Variants in VPS35L observed in about 807,000 individuals in gnomAD.
The protein encoded by VPS35L is VPS35 endosomal protein sorting factor like.
VPS35L carries 83 observed loss-of-function variants against 133.0 expected under a neutral mutation model. The observed-to-expected ratio is 0.62, with a 90% CI of 0.52 to 0.75. VPS35L has a LOEUF of 0.75. VPS35L is among the 30% of genes least tolerant of loss of function. The probability of loss-of-function intolerance (pLI) is 0.00; values close to 1 mark genes in which losing one functional copy is unlikely to be tolerated. For missense variants in VPS35L, 1,083 were observed against 1,206.8 expected (o/e 0.90, Z 1.52); for synonymous variants, 423 against 449.9 (o/e 0.94, Z 0.76).
chr16:19,634,432 A>C (rs1973561164), intron 19 of VPS35L, among the ~76,000 whole-genome samples: 1 of 151,992 alleles, frequency 6.6e-6, no homozygotes, highest in Non-Finnish European at 1.5e-5. Flanking sequence ...AAAAAAAAAA[A>C]AAACCCACTA....
intron 1 of VPS35L, among the ~76,000 whole-genome samples, chr16:19,562,724 T>C (rs1367040253): frequency 6.6e-6 from 1 of 152,118 alleles, no homozygotes; most frequent in Non-Finnish European, 1.5e-5. Context: ...ATTTTCTGCC[T>C]TCCCCCCACT....
intron 1 of VPS35L, among the ~76,000 whole-genome samples, chr16:19,562,650 T>G (rs1258020722): frequency 6.6e-6 from 1 of 152,206 alleles, no homozygotes; most frequent in Non-Finnish European, 1.5e-5. Flanking sequence ...CCATAACCTA[T>G]GAAATTAAAT....
In VPS35L at chr16:19,633,436, C is replaced by T. The variant is rs920468680; in HGVS notation, c.1635+264C>T. On this transcript the variant is annotated intron_variant, in intron 19 of 30. Transcript: ENST00000417362. This position sits in a 1 kb window ranked among gnomAD's most constrained non-coding sequence, Gnocchi z 4.1. The stretch of plus-strand genomic sequence containing the variant: ...GAAGCCCTCACACAGTGGCCTGGCA[C>T]GTGGTAAATGCTCAATAAGCGTTGT... Among the ~76,000 whole-genome samples the T allele has an allele frequency of 3.9e-5, 6 of 152,250 alleles. No individual in the cohort carries two copies. The South Asian group carries it at 6.2e-4, about 16-fold the overall frequency.
intron 9 of VPS35L, among the ~76,000 whole-genome samples, chr16:19,603,184 A>G (rs2151540063): frequency 1.3e-5 from 2 of 152,256 alleles, no homozygotes; most frequent in Admixed American, 1.3e-4. Context: ...TTTAGGACCC[A>G]TCTTGTTTCA....
chr16:19,608,865 G>A (rs1567419028), intron 10 of VPS35L, 109 bp from the exon 11 acceptor site: 4 of 858,186 alleles, frequency 4.7e-6, no homozygotes, highest in East Asian at 2.6e-5. Flanking sequence ...GGCCACTGTG[G>A]TCCCCATCTC....
rs1567444591 is a variant in VPS35L, at chr16:19,637,590, AC to A, written c.1636-3del. The A allele has an allele frequency of 6.5e-7, 1 of 1,535,126 alleles. No individual in the cohort carries two copies. On this transcript the variant is annotated splice_polypyrimidine_tract_variant and splice_region_variant and intron_variant, in intron 19 of 30. Transcript: ENST00000417362. Reference sequence around the variant, plus strand: ...AATAATATTTTTGTTTGTTTGTTTTACAGCTTCAGTTAATAATTAAGAAAGT... The same window carrying A: ...AATAATATTTTTGTTTGTTTGTTTTAAGCTTCAGTTAATAATTAAGAAAGT...
rs539078925 is a variant in VPS35L at position 19,659,319 on chromosome 16, G to A, written c.2221+7229G>A. Among the ~76,000 whole-genome samples, 4 of 152,304 alleles carry A rather than the reference G, an allele frequency of 2.6e-5. No individual in the cohort carries two copies. In the East Asian group the frequency reaches 7.7e-4, roughly 29 times the overall value. ...GGGCTGAGCATGCTTGGCTCAGTGA[G>A]AGAGCCCTTGACAGTTCAGAGAGTA... On this transcript the variant is annotated intron_variant, in intron 26 of 30. Coordinates refer to ENST00000417362, the MANE Select transcript of VPS35L (RefSeq NM_020314.7).
At chr16:19,565,898 G>T (rs1235627152) in intron 2 of VPS35L, among the ~76,000 whole-genome samples, 1 of 152,154 alleles carries the variant, frequency 6.6e-6, no homozygotes, top group Non-Finnish European at 1.5e-5. Flanking sequence ...CTATCTGTGG[G>T]TTTATTTAAA....
intron 11 of VPS35L, 98 bp downstream of exon 11, chr16:19,609,119 T>C (rs2151545672): frequency 9.7e-7 from 1 of 1,034,284 alleles, no homozygotes; most frequent in East Asian, 2.4e-5. Context: ...CATTATTCAC[T>C]GAGTACTTAA....
intron 18 of VPS35L, 39 bp downstream of exon 18, chr16:19,629,859 T>G: frequency 6.3e-7 from 1 of 1,583,300 alleles, no homozygotes; most frequent in Non-Finnish European, 8.7e-7. Context: ...AAGAATTAGA[T>G]TTTTTCATGT....
intron 12 of VPS35L, among the ~76,000 whole-genome samples, chr16:19,612,193 T>G (rs926602085): frequency 2.6e-5 from 4 of 152,136 alleles, no homozygotes; most frequent in Non-Finnish European, 5.9e-5. Flanking sequence ...TGCCCCGGCC[T>G]CTCAAAGTGC....
rs148267307 is a variant in VPS35L at position 19,649,646 on chromosome 16, C to A, written c.2029-736C>A. On this transcript the variant is annotated intron_variant, in intron 24 of 30. Transcript: ENST00000417362. ...GCGCCCCTGTGAGTTTGCTGCAGCACCCCAGGGTGCCATGGTGCACCGTTT... is the reference window on the plus strand; with the variant it reads ...GCGCCCCTGTGAGTTTGCTGCAGCAACCCAGGGTGCCATGGTGCACCGTTT... 3.3e-3 allele frequency among the ~76,000 whole-genome samples: 502 copies of A among 152,326 alleles called. 1 individual carries two copies. The highest frequency in any genetic ancestry group is 6.8e-3 in the Middle Eastern group (2 of 294).
At chr16:19,615,968 A>AAATAATAATAAT (rs10683142) in intron 12 of VPS35L, 146 bp from the exon 13 acceptor site, 7,312 of 255,194 alleles carry the variant, frequency 0.029, 574 homozygotes, top group African/African-American at 0.16. Context: ...CTCCATCTCA[A>AAATAATAATAAT]AATAATAATA....
chr16:19,598,029 TG>T (rs1972271415), intron 8 of VPS35L, among the ~76,000 whole-genome samples: 1 of 152,120 alleles, frequency 6.6e-6, no homozygotes, highest in South Asian at 2.1e-4. Flanking sequence ...GGAAGACGTG[TG>T]CCTGGTTTCT....
At position 19,699,620 on chromosome 16, in the gene VPS35L, G is replaced by C; in HGVS notation, c.2765G>C (p.Arg922Thr). The part of the protein sequence containing the change: ...LSVNLWHLAQ[R>T]HGCADTRTMV... ...GTCAACCTGTGGCACCTGGCACAGAGGCACGGCTGTGCAGACACCAGGACC... is the reference window on the plus strand; with the variant it reads ...GTCAACCTGTGGCACCTGGCACAGACGCACGGCTGTGCAGACACCAGGACC... The change falls in exon 30 of 31, where the codon AGG (arginine) becomes ACG (threonine). Residue 922 changes from arginine (R) to threonine (T), a missense_variant. Arg to Thr is a moderately conservative substitution (Grantham distance 71). Transcript: ENST00000417362. The surrounding 1 kb of genome is among the most constrained non-coding windows in gnomAD (Gnocchi z 4.2). 6.2e-7 allele frequency: 1 copy of C among 1,614,008 alleles called. No individual in the cohort carries two copies. Among genetic ancestry groups the C allele is most frequent in the Non-Finnish European group, 8.5e-7 (1 of 1,180,030 alleles).
chr16:19,637,417 C>A (rs1597383518), intron 19 of VPS35L, among the ~76,000 whole-genome samples, 177 bp from the exon 20 acceptor site: 1 of 152,050 alleles, frequency 6.6e-6, no homozygotes, highest in South Asian at 2.1e-4. Context: ...ACCCTAAGCC[C>A]AGTTCACCAT....
intron 18 of VPS35L, among the ~76,000 whole-genome samples, chr16:19,630,332 T>A (rs1277136352): frequency 8.6e-6 from 1 of 116,334 alleles, no homozygotes; most frequent in Non-Finnish European, 1.7e-5. Flanking sequence ...AAAAGTTTTT[T>A]TTTTTTTTTT....
At chr16:19,695,923 G>A (rs1476339430) in intron 29 of VPS35L, among the ~76,000 whole-genome samples, 1 of 151,648 alleles carries the variant, frequency 6.6e-6, no homozygotes, top group East Asian at 1.9e-4. Flanking sequence ...GTCTTGCTCT[G>A]TTGCCCAGAC....
intron 8 of VPS35L, among the ~76,000 whole-genome samples, chr16:19,595,446 G>A (rs551879477): frequency 6.6e-6 from 1 of 152,098 alleles, no homozygotes; most frequent in East Asian, 1.9e-4. Context: ...CGAGTGTGAG[G>A]CCCTCATTGG....
Sources: gnomAD v4.1 joint callset for allele counts (sites outside exome capture counted in the v4.1 genomes callset) on GRCh38, gnomAD v4.1.1 for gene constraint, Gnocchi (gnomAD v3.1) non-coding constraint, MANE v1.5 for transcripts, NCBI Gene and HGNC (gene_info 2026-07-23, HGNC 2026-07-21) for gene names.